The following NELL1 variants were observed in gnomAD, a reference collection of about 807,000 sequenced individuals.
NELL1 encodes the protein neural EGFL like 1.
In NELL1, 76 loss-of-function variants were observed where a neutral mutation model predicts 107.4. The observed-to-expected ratio is 0.71, with a 90% CI of 0.59 to 0.86. NELL1 has a LOEUF of 0.86. Ranked by LOEUF, NELL1 falls within the 40% of genes least tolerant of loss-of-function variation. NELL1 has a pLI of 0.00. For synonymous variants in NELL1, 353 were observed against 341.2 expected (o/e 1.03, Z -0.38); for missense variants, 1,024 against 1,005.5 (o/e 1.02, Z -0.25).
At chr11:20,805,159 G>A (rs1272088824) in intron 3 of NELL1, among the ~76,000 whole-genome samples, 1 of 152,074 alleles carries the variant, frequency 6.6e-6, no homozygotes, top group Non-Finnish European at 1.5e-5. Context: ...GTCTATGTGT[G>A]TCTTTATAGG....
intron 12 of NELL1, among the ~76,000 whole-genome samples, chr11:21,002,156 T>C (rs1852235598): frequency 6.6e-6 from 1 of 152,164 alleles, no homozygotes; most frequent in South Asian, 2.1e-4. Flanking sequence ...GTACTGGGAA[T>C]GGCAAACTGC....
intron 4 of NELL1, among the ~76,000 whole-genome samples, chr11:20,861,811 A>C (rs74356587): frequency 0.011 from 1,664 of 152,270 alleles, 23 homozygotes; most frequent in African/African-American, 0.037. Context: ...CTGAATTTCA[A>C]GTCTGGCTCT....
intron 13 of NELL1, among the ~76,000 whole-genome samples, chr11:21,150,151 C>T (rs181011014): frequency 3.3e-5 from 5 of 152,228 alleles, no homozygotes; most frequent in Non-Finnish European, 7.4e-5. Flanking sequence ...GATGCTTAGG[C>T]TACAGAGATG....
At position 21,046,883 on chromosome 11, in the gene NELL1, CTT is replaced by C. The variant is rs764153542; in HGVS notation, c.1301-66693_1301-66692del. Among the ~76,000 whole-genome samples the C allele has an allele frequency of 8.5e-5, 12 of 141,226 alleles. No individual in the cohort carries two copies. In the South Asian group the frequency reaches 9.2e-4, roughly 11 times the overall value. The allele number at this position is 141,226 out of a possible 152,430, so 92.6% of individuals were successfully genotyped here. On this transcript the variant is annotated intron_variant, in intron 12 of 19. Coordinates refer to ENST00000357134, the MANE Select transcript of NELL1 (RefSeq NM_006157.5). ...CCACCATGCCTGGCTAATTTTTAAACTTTTTTTTTTTTTTGTAGAGATGGGGT... is the reference window on the plus strand; with the variant it reads ...CCACCATGCCTGGCTAATTTTTAAACTTTTTTTTTTTTGTAGAGATGGGGT...
intron 5 of NELL1, among the ~76,000 whole-genome samples, chr11:20,903,695 C>T (rs1456060918): frequency 1.3e-5 from 2 of 151,966 alleles, no homozygotes; most frequent in African/African-American, 4.8e-5. Flanking sequence ...ATACAAATAT[C>T]CTGGAAGGCT....
chr11:20,829,846 C>T (rs564767970), intron 3 of NELL1, among the ~76,000 whole-genome samples: 2 of 151,870 alleles, frequency 1.3e-5, no homozygotes, highest in Admixed American at 1.3e-4. Flanking sequence ...CTGTGCATCA[C>T]GTGAAAGGAT....
chr11:21,560,648 C>T (rs1188804646), intron 17 of NELL1, among the ~76,000 whole-genome samples: 1 of 152,056 alleles, frequency 6.6e-6, no homozygotes, highest in African/African-American at 2.4e-5. Context: ...AATGATAGTC[C>T]TCCCACTGAA....
At chr11:21,229,092 T>C (rs140134484) in intron 13 of NELL1, among the ~76,000 whole-genome samples, 2 of 152,182 alleles carry the variant, frequency 1.3e-5, no homozygotes, top group East Asian at 3.9e-4. Context: ...CACTTACCAA[T>C]TGTGTGACGG....
At chr11:20,758,671 G>A (rs564507771) in intron 2 of NELL1, among the ~76,000 whole-genome samples, 28 of 152,144 alleles carry the variant, frequency 1.8e-4, no homozygotes, top group Non-Finnish European at 2.8e-4. Context: ...GTTGGTACTT[G>A]ACATTTGAGG....
chr11:21,474,654 C>G (rs577039776), intron 15 of NELL1, among the ~76,000 whole-genome samples: 39 of 152,094 alleles, frequency 2.6e-4, no homozygotes, highest in Admixed American at 3.9e-4. Flanking sequence ...AGAGCATGCT[C>G]TAGTAAATGC....
At chr11:21,171,839 G>T (rs4923393) in intron 13 of NELL1, among the ~76,000 whole-genome samples, 53,053 of 151,472 alleles carry the variant, frequency 0.35, 9,735 homozygotes, top group Middle Eastern at 0.4. Context: ...TCCCATTTTT[G>T]AACCAAATTA....
intron 13 of NELL1, among the ~76,000 whole-genome samples, chr11:21,166,577 A>G (rs1223167282): frequency 6.6e-6 from 1 of 151,870 alleles, no homozygotes; most frequent in African/African-American, 2.4e-5. Flanking sequence ...ACCCATAAAT[A>G]TATACACCTA....
chr11:21,126,883 A>C (rs112954561), intron 13 of NELL1, among the ~76,000 whole-genome samples: 1,963 of 152,296 alleles, frequency 0.013, 37 homozygotes, highest in African/African-American at 0.044. Flanking sequence ...ACTACCAAGG[A>C]ATACATTCCT....
chr11:21,391,885 C>T (rs1851886459), intron 15 of NELL1, among the ~76,000 whole-genome samples: 1 of 151,760 alleles, frequency 6.6e-6, no homozygotes, highest in African/African-American at 2.4e-5. Context: ...TGATTTAAAG[C>T]TCAGTTTACC....
chr11:21,537,085 T>C (rs889981128), intron 16 of NELL1, among the ~76,000 whole-genome samples: 3 of 152,194 alleles, frequency 2.0e-5, no homozygotes, highest in African/African-American at 7.2e-5. Flanking sequence ...TGAATTTCTT[T>C]TTATTTCCAC....
intron 12 of NELL1, among the ~76,000 whole-genome samples, chr11:21,072,905 C>T (rs935631769): frequency 2.6e-5 from 4 of 152,194 alleles, no homozygotes; most frequent in African/African-American, 9.6e-5. Flanking sequence ...GCCCATATTT[C>T]ATTAACATGT....
intron 15 of NELL1, among the ~76,000 whole-genome samples, chr11:21,395,391 G>T (rs1851958891): frequency 6.6e-6 from 1 of 151,430 alleles, no homozygotes; most frequent in South Asian, 2.1e-4. Context: ...ATCCCTTCTG[G>T]GAGAGATCAA....
chr11:21,361,783 G>A (rs1191600060), intron 14 of NELL1, among the ~76,000 whole-genome samples: 1 of 152,002 alleles, frequency 6.6e-6, no homozygotes, highest in Admixed American at 6.6e-5. Flanking sequence ...ATTGTTGAAT[G>A]TTTCCACTGA....
At chr11:20,876,632 G>A (rs1849309290) in intron 4 of NELL1, among the ~76,000 whole-genome samples, 1 of 152,126 alleles carries the variant, frequency 6.6e-6, no homozygotes, top group South Asian at 2.1e-4. Context: ...GGGCGCAGTG[G>A]CGGGTGCCTG....
Sources: gnomAD v4.1 joint callset for allele counts (sites outside exome capture counted in the v4.1 genomes callset) on GRCh38, gnomAD v4.1.1 for gene constraint, MANE v1.5 for transcripts, NCBI Gene and HGNC (gene_info 2026-07-23, HGNC 2026-07-21) for gene names.